TTC24: variants seen among roughly 807,000 people sequenced by gnomAD.
TTC24 encodes the protein tetratricopeptide repeat protein 24.
Under a neutral mutation model 63.3 loss-of-function variants are expected in TTC24, and 54 were observed. The ratio of observed to expected loss-of-function variants is 0.85; its 90% CI spans 0.69 to 1.07. The LOEUF is 1.07. Among genes scored for constraint, TTC24 ranks in the 50% least tolerant of loss-of-function variants. The pLI, the probability that TTC24 is intolerant of heterozygous loss-of-function variation, is 0.00. For missense variants in TTC24, 680 were observed against 730.5 expected (o/e 0.93, Z 0.80); for synonymous variants, 276 against 304.3 (o/e 0.91, Z 0.97).
At position 156,583,712 on chromosome 1, in the gene TTC24, C is replaced by CGGGCCGGG; in HGVS notation, c.1153-85_1153-84insGGGCCGGG. The CGGGCCGGG allele has an allele frequency of 1.8e-6, 2 of 1,124,848 alleles. No individual in the cohort carries two copies. Among genetic ancestry groups the CGGGCCGGG allele is most frequent in the Non-Finnish European group, 2.6e-6 (2 of 767,734 alleles). 69.7% of individuals were successfully genotyped at this position (1,124,848 alleles called of 1,614,324 possible). A position where few individuals can be genotyped will look rare whatever the true frequency, so the allele number is the denominator to read the frequency against. On this transcript the variant is annotated intron_variant, in intron 5 of 10. Transcript: ENST00000368236. The surrounding 1 kb of genome is among the most constrained non-coding windows in gnomAD (Gnocchi z 4.0). ...GAAACAAAGCCCCCCTCCCCCCTCC[C>CGGGCCGGG]TTTCCTGTTTCCTTCTTCCCCAACC...
At chr1:156,586,114 AT>A (rs1162770312) in intron 10 of TTC24, 69 bp downstream of exon 10, 2 of 1,158,714 alleles carry the variant, frequency 1.7e-6, no homozygotes, top group Non-Finnish European at 2.5e-6. Flanking sequence ...GCTTGGGATG[AT>A]TTTAATGAAA....
chr1:156,581,872 C>T lies in TTC24; in HGVS notation c.508C>T (p.Pro170Ser). The change falls in exon 2 of 11, where the codon CCT becomes TCT. Residue 170 changes from proline to serine, a missense_variant. Physicochemically the swap from Pro to Ser is moderately conservative, Grantham distance 74. Coordinates refer to ENST00000368236, the MANE Select transcript of TTC24 (RefSeq NM_001105669.4). The stretch of plus-strand genomic sequence containing the variant: ...AGCCTGCTACCAGGCTCTGGGACAG[C>T]CTGAGCTAGCAGCCCACTGCCTGCA... ...MGACYQALGQPELAAHCLQEA... is the reference protein window; with the variant it reads ...MGACYQALGQSELAAHCLQEA... 1.3e-6 allele frequency: 2 copies of T among 1,548,070 alleles called. No individual in the cohort carries two copies. Among genetic ancestry groups the T allele is most frequent in the South Asian group, 2.4e-5 (2 of 83,966 alleles).
rs1265277172 is a variant in TTC24, at chr1:156,581,846, G to C, written c.482G>C (p.Gly161Ala). ...CAGGGAGAAGCCTGGGCAAAAATGGGAGCCTGCTACCAGGCTCTGGGACAG... is the reference window on the plus strand; with the variant it reads ...CAGGGAGAAGCCTGGGCAAAAATGGCAGCCTGCTACCAGGCTCTGGGACAG... ...GDQGEAWAKM[G>A]ACYQALGQPE... The change falls in exon 2 of 11, where the codon GGA becomes GCA. Residue 161 changes from glycine (G) to alanine (A), a missense_variant. By Grantham distance (60) the Gly-to-Ala change is moderately conservative. Transcript: ENST00000368236. 6 of 1,550,232 alleles carry C rather than the reference G, an allele frequency of 3.9e-6. No homozygotes were observed. The Admixed American group carries it at 5.9e-5, about 15-fold the overall frequency.
rs776877969 is a variant in TTC24 at position 156,585,212 on chromosome 1, T to A, written c.1437T>A (p.Ala479=). ...EERSANVPVR[A]GPGRPELCFL... ...GGTCGGCAAACGTTCCGGTGAGGGC[T>A]GGGCCGGGAAGACCAGAGCGTGAGT... The change falls in exon 8 of 11, where the codon GCT becomes GCA. Residue 479 remains alanine, a synonymous_variant. Transcript: ENST00000368236. 6.2e-7 allele frequency: 1 copy of A among 1,612,742 alleles called. No individual in the cohort carries two copies.
intron 1 of TTC24, 87 bp from the exon 2 acceptor site, chr1:156,581,274 G>C (rs1676981513): frequency 1.1e-6 from 1 of 929,516 alleles, no homozygotes; most frequent in Admixed American, 3.1e-5. Flanking sequence ...TGCTAGGGCA[G>C]GGGTAGAGCT....
At position 156,580,667 on chromosome 1, in the gene TTC24, G is replaced by A. The variant is rs1571380883; in HGVS notation, c.-4-694G>A. ...TAATTTTTGTATTTTTAGTAGAGACGGGGTTTTACCATGTTGGCCAGGCTG... is the reference window on the plus strand; with the variant it reads ...TAATTTTTGTATTTTTAGTAGAGACAGGGTTTTACCATGTTGGCCAGGCTG... On this transcript the variant is annotated intron_variant, in intron 1 of 10. Coordinates refer to ENST00000368236, the MANE Select transcript of TTC24 (RefSeq NM_001105669.4). Among the ~76,000 whole-genome samples, 4 of 152,004 alleles carry A rather than the reference G, an allele frequency of 2.6e-5. No homozygotes were observed. In the South Asian group the frequency reaches 6.2e-4, roughly 24 times the overall value.
chr1:156,585,398 G>A, intron 8 of TTC24, 167 bp downstream of exon 8: 1 of 622,652 alleles, frequency 1.6e-6, no homozygotes, highest in Non-Finnish European at 2.8e-6. Context: ...GACCCTGGCT[G>A]TCCCAGTTCG....
chr1:156,584,576 C>A, intron 6 of TTC24: 1 of 319,676 alleles, frequency 3.1e-6, no homozygotes. Context: ...GGTCAGAATA[C>A]CTGGGTCCCA....
In TTC24 at chr1:156,586,469, G is replaced by A. The variant is rs1255401139; in HGVS notation, c.1668G>A (p.Arg556=). ...GCAAGCCCCTCCCTGCCTCTTTCAG[G>A]TCATCCAGGTGGCCCAGGGAAAGCC... The part of the protein sequence containing the change: ...ILVPNGPQAN[R]SSRWPRESLS... Residue 556 remains arginine, a splice_region_variant and synonymous_variant, in exon 11 of 11, where the codon AGG becomes AGA. Transcript: ENST00000368236. 5.6e-6 allele frequency: 9 copies of A among 1,609,018 alleles called. No homozygotes were observed. The East Asian group carries it at 6.7e-5, about 12-fold the overall frequency.
rs1166318869 is a variant in TTC24 at position 156,586,882 on chromosome 1, G to A, written c.*332G>A. 3 of 227,530 alleles carry A rather than the reference G, an allele frequency of 1.3e-5. No homozygotes were observed. The highest frequency in any genetic ancestry group is 2.7e-5 in the Non-Finnish European group (3 of 111,490). The allele number at this position is 227,530 out of a possible 1,614,324, so 14.1% of individuals were successfully genotyped here. ...CTGACTTCGTGGTCAAGTAGCTTTG[G>A]AGTCACTGACTGTCTCCAGACGTCC... On this transcript the variant is annotated 3_prime_UTR_variant, in exon 11 of 11. Transcript: ENST00000368236.
chr1:156,580,691 T>C (rs1196960803), intron 1 of TTC24, among the ~76,000 whole-genome samples: 2 of 152,170 alleles, frequency 1.3e-5, no homozygotes, highest in African/African-American at 4.8e-5. Context: ...TTGGCCAGGC[T>C]GGTCTCTATC....
At chr1:156,585,258 G>A (rs41267383) in intron 8 of TTC24, 27 bp downstream of exon 8, 20,720 of 1,565,754 alleles carry the variant, frequency 0.013, 177 homozygotes, top group South Asian at 0.022. Context: ...TATTCCTGGC[G>A]GTGCCTCTCC....
Position 156,586,477 on chromosome 1 carries a change from G to C in TTC24, c.1676G>C (p.Arg559Thr). Residue 559 changes from arginine to threonine, a missense_variant, in exon 11 of 11, where the codon AGG becomes ACG. By Grantham distance (71) the Arg-to-Thr change is moderately conservative. Coordinates refer to ENST00000368236, the MANE Select transcript of TTC24 (RefSeq NM_001105669.4). ...CTCCCTGCCTCTTTCAGGTCATCCAGGTGGCCCAGGGAAAGCCTCAGCAGG... is the reference window on the plus strand; with the variant it reads ...CTCCCTGCCTCTTTCAGGTCATCCACGTGGCCCAGGGAAAGCCTCAGCAGG... ...PNGPQANRSS[R>T]WPRESLSRSR... The C allele has an allele frequency of 1.2e-6, 2 of 1,610,676 alleles. No individual in the cohort carries two copies. The highest frequency in any genetic ancestry group is 8.5e-7 in the Non-Finnish European group (1 of 1,179,752).
intron 8 of TTC24, 146 bp downstream of exon 8, chr1:156,585,377 G>A (rs1233161989): frequency 6.1e-6 from 4 of 654,282 alleles, no homozygotes; most frequent in African/African-American, 3.8e-5. Context: ...GCACAACCTC[G>A]CGCCACCCCT....
chr1:156,586,578 C>T lies in TTC24; in HGVS notation c.*28C>T. ...TCCCCCTGCCAGCCTCAGCCCTCAT[C>T]CCTGAAGCACCTGTCCAACACGCAC... On this transcript the variant is annotated 3_prime_UTR_variant, in exon 11 of 11. Coordinates refer to ENST00000368236, the MANE Select transcript of TTC24 (RefSeq NM_001105669.4). 1 of 1,595,032 alleles carries T rather than the reference C, an allele frequency of 6.3e-7. No homozygotes were observed. Among genetic ancestry groups the T allele is most frequent in the Non-Finnish European group, 8.6e-7 (1 of 1,165,692 alleles).
At chr1:156,582,485 G>C (rs369084528) in intron 3 of TTC24, 51 bp downstream of exon 3, 34 of 1,549,038 alleles carry the variant, frequency 2.2e-5, no homozygotes, top group Non-Finnish European at 2.9e-5. Context: ...ACTAAGAAGG[G>C]GTTCCAAAAG....
At position 156,585,132 on chromosome 1, in the gene TTC24, A is replaced by G. The variant is rs1677117490; in HGVS notation, c.1357A>G (p.Ser453Gly). The change falls in exon 8 of 11, where the codon AGT (serine) becomes GGT (glycine). Residue 453 changes from serine to glycine, a missense_variant. Coordinates refer to ENST00000368236, the MANE Select transcript of TTC24 (RefSeq NM_001105669.4). ...STAGVQHRSSSGWEDEEFEEG... is the reference protein window; with the variant it reads ...STAGVQHRSSGGWEDEEFEEG... ...GGTTCCTTGCCCCTACAGATCTTCC[A>G]GTGGGTGGGAAGATGAAGAGTTTGA... 6.2e-7 allele frequency: 1 copy of G among 1,611,208 alleles called. No individual in the cohort carries two copies. Among genetic ancestry groups the G allele is most frequent in the East Asian group, 2.2e-5 (1 of 44,828 alleles).
rs1677183640 is a variant in TTC24 at position 156,586,622 on chromosome 1, G to A, written c.*72G>A. 1.5e-6 allele frequency: 2 copies of A among 1,374,256 alleles called. No homozygotes were observed. Among genetic ancestry groups the A allele is most frequent in the Non-Finnish European group, 2.0e-6 (2 of 981,540 alleles). The allele number at this position is 1,374,256 out of a possible 1,614,324, so 85.1% of individuals were successfully genotyped here. ...CACGCACACACTAGGGGGTCCTGGG[G>A]ACCAAGCCTCTTCCCAGTTGCTCAG... On this transcript the variant is annotated 3_prime_UTR_variant, in exon 11 of 11. Transcript: ENST00000368236.
intron 1 of TTC24, 108 bp from the exon 2 acceptor site, chr1:156,581,253 C>A (rs776888686): frequency 5.3e-6 from 4 of 753,696 alleles, no homozygotes; most frequent in Non-Finnish European, 8.3e-6. Flanking sequence ...TCCTTGAAAC[C>A]CTGAGGGTCA....
Sources: allele counts gnomAD v4.1 joint callset (sites outside exome capture counted in the v4.1 genomes callset), GRCh38; gene constraint gnomAD v4.1.1; non-coding constraint Gnocchi (gnomAD v3.1); transcripts MANE v1.5; gene names NCBI Gene and HGNC (gene_info 2026-07-23, HGNC 2026-07-21).